Variants in ASTN2 observed in about 807,000 individuals in gnomAD.
ASTN2 encodes astrotactin-2.
ASTN2 carries 54 observed loss-of-function variants against 139.8 expected under a neutral mutation model. The ratio of observed to expected loss-of-function variants is 0.39; its 90% CI spans 0.31 to 0.48. ASTN2 has a LOEUF of 0.48. Ranked by LOEUF, ASTN2 falls within the 20% of genes least tolerant of loss-of-function variation. ASTN2 has a pLI of 0.95. For missense variants in ASTN2, 1,565 were observed against 1,725.1 expected, an observed-to-expected ratio of 0.91 and a Z score of 1.64; for synonymous variants, 756 against 719.5, an observed-to-expected ratio of 1.05 and a Z score of -0.81.
At chr9:116,556,638 A>G (rs551360215) in intron 19 of ASTN2, among the ~76,000 whole-genome samples, 3 of 152,176 alleles carry the variant, frequency 2.0e-5, no homozygotes, top group African/African-American at 4.8e-5. Context: ...GAGGTTGACA[A>G]TGACTCAATT....
intron 5 of ASTN2, among the ~76,000 whole-genome samples, chr9:117,043,907 C>CAAAAAAAA (rs10713427): frequency 5.9e-5 from 7 of 119,314 alleles, no homozygotes; most frequent in African/African-American, 1.9e-4. Flanking sequence ...GACTCTGTCT[C>CAAAAAAAA]AAAAAAAAAA....
chr9:116,623,889 T>A lies in ASTN2; in HGVS notation c.3073-3446A>T, dbSNP rs28635117. On this transcript the variant is annotated intron_variant, in intron 17 of 22. Transcript: ENST00000313400. ...ATCCTGTTCAGCCACTCTGCTTGGG[T>A]CATGTGCTTATGTGTGTGCATGTGT... is the stretch of plus-strand genomic sequence containing the variant. Among the ~76,000 whole-genome samples, 1,267 of 152,150 alleles carry A rather than the reference T, an allele frequency of 8.3e-3. 16 individuals carry two copies. Among genetic ancestry groups the A allele is most frequent in the African/African-American group, 0.028 (1,149 of 41,508 alleles).
intron 10 of ASTN2, among the ~76,000 whole-genome samples, chr9:116,973,338 A>G (rs763646631): frequency 8.5e-5 from 13 of 152,224 alleles, no homozygotes; most frequent in Non-Finnish European, 1.8e-4. Context: ...ACCCTCTGTG[A>G]GGAAGGCACT....
intron 21 of ASTN2, among the ~76,000 whole-genome samples, chr9:116,441,979 G>C (rs1847853538): frequency 6.6e-6 from 1 of 152,190 alleles, no homozygotes; most frequent in Non-Finnish European, 1.5e-5. Flanking sequence ...TAAGGATTCT[G>C]AGACCACCAT....
At chr9:117,289,826 C>T (rs546772193) in intron 2 of ASTN2, among the ~76,000 whole-genome samples, 15 of 152,282 alleles carry the variant, frequency 9.9e-5, no homozygotes, top group Non-Finnish European at 2.1e-4. Context: ...CACACTCATT[C>T]CATGAATAAC....
chr9:117,117,331 T>C lies in ASTN2; in HGVS notation c.1169-21180A>G, dbSNP rs557121669. Among the ~76,000 whole-genome samples, 10 of 146,450 alleles carry C rather than the reference T, an allele frequency of 6.8e-5. No homozygotes were observed. In the East Asian group the frequency reaches 1.8e-3, roughly 27 times the overall value. On this transcript the variant is annotated intron_variant, in intron 4 of 22. Transcript: ENST00000313400. ...TCTTTCTTGGACAAGTGTAGGGTTT[T>C]AAACAGCTCTGGGAGATGGGAAAAA... is the stretch of plus-strand genomic sequence containing the variant.
chr9:116,917,057 G>A (rs1834469196), intron 10 of ASTN2, among the ~76,000 whole-genome samples: 1 of 151,744 alleles, frequency 6.6e-6, no homozygotes, highest in Non-Finnish European at 1.5e-5. Context: ...CCTGTGGATT[G>A]CAAAGACCCC....
chr9:117,066,743 T>C (rs1329483505), intron 5 of ASTN2, among the ~76,000 whole-genome samples: 1 of 152,208 alleles, frequency 6.6e-6, no homozygotes, highest in African/African-American at 2.4e-5. Flanking sequence ...GATTTGCATT[T>C]CTCTGATAGC....
chr9:117,021,018 C>T (rs1837863357), intron 6 of ASTN2, among the ~76,000 whole-genome samples: 1 of 152,060 alleles, frequency 6.6e-6, no homozygotes, highest in African/African-American at 2.4e-5. Flanking sequence ...AGCAACTGTC[C>T]CACCTCAGCC....
chr9:117,287,288 G>A (rs1834474167), intron 2 of ASTN2, among the ~76,000 whole-genome samples: 1 of 152,152 alleles, frequency 6.6e-6, no homozygotes, highest in African/African-American at 2.4e-5. Context: ...TAGTGATAGA[G>A]ACATTATTCA....
intron 16 of ASTN2, among the ~76,000 whole-genome samples, chr9:116,681,055 A>C (rs181749773): frequency 0.014 from 2,151 of 152,296 alleles, 25 homozygotes; most frequent in Non-Finnish European, 0.024. Context: ...AATAAAGGGT[A>C]TTCAATTAGG....
intron 1 of ASTN2, among the ~76,000 whole-genome samples, chr9:117,300,968 A>T (rs1166935023): frequency 6.6e-6 from 1 of 152,164 alleles, no homozygotes; most frequent in Admixed American, 6.5e-5. Context: ...CATCTTTTAC[A>T]TGAAACTGTT....
chr9:116,797,075 C>T (rs1830715468), intron 13 of ASTN2, among the ~76,000 whole-genome samples: 1 of 151,876 alleles, frequency 6.6e-6, no homozygotes, highest in South Asian at 2.1e-4. Flanking sequence ...CCCATCTTGG[C>T]CTCCCAAAAT....
At chr9:116,845,573 T>C (rs1588347586) in intron 11 of ASTN2, among the ~76,000 whole-genome samples, 1 of 152,310 alleles carries the variant, frequency 6.6e-6, no homozygotes, top group East Asian at 1.9e-4. Flanking sequence ...GGCAAAAGAC[T>C]TGAATAGACA....
chr9:117,052,433 T>TCAAAAAA (rs375714439), intron 5 of ASTN2, among the ~76,000 whole-genome samples: 1 of 125,244 alleles, frequency 8.0e-6, no homozygotes, highest in Non-Finnish European at 1.7e-5. Flanking sequence ...AGACTCCATC[T>TCAAAAAA]TAAAAAAAAA....
At chr9:116,522,084 C>G (rs184912603) in intron 19 of ASTN2, among the ~76,000 whole-genome samples, 119 of 152,224 alleles carry the variant, frequency 7.8e-4, no homozygotes, top group African/African-American at 2.8e-3. Context: ...ACTAGTACAA[C>G]CACTATCGAA....
intron 1 of ASTN2, among the ~76,000 whole-genome samples, chr9:117,387,968 C>T (rs1017034165): frequency 6.6e-6 from 1 of 152,130 alleles, no homozygotes; most frequent in African/African-American, 2.4e-5. Flanking sequence ...TGGTATCTCA[C>T]TGTACTTCAC....
rs777571826 is a variant in ASTN2, at chr9:116,674,116, T to C, written c.2807-22323A>G. ...CTAACATTAGCCACAGATTAGAAAT[T>C]ATGGTTTAGGAGTCATGCAGCTGGA... On this transcript the variant is annotated intron_variant, in intron 16 of 22. Transcript: ENST00000313400. Among the ~76,000 whole-genome samples the C allele has an allele frequency of 2.0e-4, 31 of 152,086 alleles. 2 individuals are homozygous for C. Among genetic ancestry groups the C allele is most frequent in the Non-Finnish European group, 1.3e-4 (9 of 67,994 alleles).
chr9:117,407,220 C>A (rs757326012), intron 1 of ASTN2, among the ~76,000 whole-genome samples: 2 of 152,188 alleles, frequency 1.3e-5, no homozygotes, highest in Non-Finnish European at 2.9e-5. Context: ...GACAATCTGG[C>A]AGAGTGTGAT....
Sources: gnomAD v4.1 joint callset for allele counts (sites outside exome capture counted in the v4.1 genomes callset) on GRCh38, gnomAD v4.1.1 for gene constraint, MANE v1.5 for transcripts, NCBI Gene and HGNC (gene_info 2026-07-23, HGNC 2026-07-21) for gene names.